The following ADAMTSL1 variants were observed in gnomAD, a reference collection of about 807,000 sequenced individuals.
ADAMTSL1 encodes the protein ADAMTS-like protein 1.
ADAMTSL1 carries 126 observed loss-of-function variants against 201.8 expected under a neutral mutation model. The observed-to-expected ratio is 0.62, with a 90% CI of 0.54 to 0.72. ADAMTSL1 has a LOEUF of 0.72. Among genes scored for constraint, ADAMTSL1 ranks in the 30% least tolerant of loss-of-function variants. ADAMTSL1 has a pLI of 0.00. For synonymous variants in ADAMTSL1, 1,121 were observed against 903.4 expected (o/e 1.24, Z -4.32); for missense variants, 2,679 against 2,277.8 (o/e 1.18, Z -3.59).
chr9:17,939,839 T>G (rs1827163395), intron 1 of ADAMTSL1, among the ~76,000 whole-genome samples: 1 of 152,114 alleles, frequency 6.6e-6, no homozygotes, highest in Non-Finnish European at 1.5e-5. Flanking sequence ...ATATCTACTA[T>G]GATGAATGTT....
intron 2 of ADAMTSL1, among the ~76,000 whole-genome samples, chr9:18,338,704 A>G (rs1411418680): frequency 1.3e-5 from 2 of 152,146 alleles, no homozygotes; most frequent in African/African-American, 2.4e-5. Context: ...AGCTTGATGT[A>G]CAGATTATTT....
chr9:18,074,571 T>TC (rs376489264), intron 1 of ADAMTSL1, among the ~76,000 whole-genome samples: 3 of 147,338 alleles, frequency 2.0e-5, no homozygotes, highest in African/African-American at 7.5e-5. Context: ...CTTTTTTTTT[T>TC]CTTCTTTCTT....
intron 2 of ADAMTSL1, among the ~76,000 whole-genome samples, chr9:18,407,080 A>G (rs1047622088): frequency 6.6e-6 from 1 of 152,212 alleles, no homozygotes; most frequent in African/African-American, 2.4e-5. Context: ...TCCCACCTCT[A>G]TGGCACTTTG....
intron 2 of ADAMTSL1, among the ~76,000 whole-genome samples, chr9:18,396,954 A>T (rs1373205102): frequency 2.0e-5 from 3 of 152,004 alleles, no homozygotes; most frequent in Non-Finnish European, 4.4e-5. Context: ...TTCTATATGC[A>T]CTATGCCTCT....
intron 2 of ADAMTSL1, among the ~76,000 whole-genome samples, chr9:18,262,070 G>A (rs1198827960): frequency 6.6e-6 from 1 of 152,172 alleles, no homozygotes; most frequent in Non-Finnish European, 1.5e-5. Flanking sequence ...TGACTAATGT[G>A]TTAGATATAT....
chr9:18,826,833 T>C (rs569331971), intron 22 of ADAMTSL1, among the ~76,000 whole-genome samples: 1 of 152,378 alleles, frequency 6.6e-6, no homozygotes, highest in Non-Finnish European at 1.5e-5. Context: ...TAAGGACTTC[T>C]TTGAGAATCA....
chr9:18,097,865 T>G (rs970263825), intron 1 of ADAMTSL1, among the ~76,000 whole-genome samples: 1 of 137,990 alleles, frequency 7.2e-6, no homozygotes, highest in Non-Finnish European at 1.6e-5. Flanking sequence ...ATGGTTATTG[T>G]TTTTTTTTTG....
At chr9:18,164,111 G>T (rs1827528346) in intron 2 of ADAMTSL1, 1 of 151,950 alleles carries the variant, frequency 6.6e-6, no homozygotes, top group African/African-American at 2.4e-5. Context: ...GTGAGAGGAG[G>T]GGGAGGCAAA....
intron 1 of ADAMTSL1, among the ~76,000 whole-genome samples, chr9:17,992,828 C>A (rs1299729098): frequency 1.3e-5 from 2 of 152,180 alleles, no homozygotes; most frequent in East Asian, 1.9e-4. Context: ...GAGAGTAAGG[C>A]AAGATTCAAA....
At chr9:17,955,058 A>G (rs1341030171) in intron 1 of ADAMTSL1, among the ~76,000 whole-genome samples, 2 of 152,198 alleles carry the variant, frequency 1.3e-5, no homozygotes, top group African/African-American at 2.4e-5. Flanking sequence ...ATGTACACAT[A>G]CACATGTATA....
chr9:18,228,334 G>T (rs980752785), intron 2 of ADAMTSL1, among the ~76,000 whole-genome samples: 2 of 152,166 alleles, frequency 1.3e-5, no homozygotes, highest in East Asian at 1.9e-4. Context: ...GAGGAGGAAA[G>T]GTGGGGCTAG....
chr9:18,576,908 C>A (rs144562540), intron 4 of ADAMTSL1, among the ~76,000 whole-genome samples: 1 of 151,806 alleles, frequency 6.6e-6, no homozygotes, highest in Non-Finnish European at 1.5e-5. Context: ...AGGCTCAGGT[C>A]GATTTTATAT....
chr9:18,303,248 T>C (rs967111997), intron 2 of ADAMTSL1, among the ~76,000 whole-genome samples: 1 of 152,214 alleles, frequency 6.6e-6, no homozygotes, highest in Non-Finnish European at 1.5e-5. Flanking sequence ...ACTGTAATAA[T>C]TTCTTTTTAA....
At chr9:18,006,967 A>G (rs183079975) in intron 1 of ADAMTSL1, among the ~76,000 whole-genome samples, 103 of 152,104 alleles carry the variant, frequency 6.8e-4, no homozygotes, top group African/African-American at 2.5e-3. Flanking sequence ...GCTCTTACGT[A>G]TTTGGATTTC....
intron 2 of ADAMTSL1, among the ~76,000 whole-genome samples, chr9:18,443,146 T>C (rs1418905113): frequency 6.6e-6 from 1 of 152,222 alleles, no homozygotes; most frequent in Non-Finnish European, 1.5e-5. Flanking sequence ...TGGCCTTTGA[T>C]GTATTTTATA....
rs562624314 is a variant in ADAMTSL1, at chr9:18,287,661, A to G, written c.207+123680A>G. Among the ~76,000 whole-genome samples, 337 of 147,654 alleles carry G rather than the reference A, an allele frequency of 2.3e-3. 1 individual carries two copies. Among genetic ancestry groups the G allele is most frequent in the African/African-American group, 7.4e-3 (300 of 40,598 alleles). The stretch of plus-strand genomic sequence containing the variant: ...TATGTATGTGTATACATATACACAT[A>G]TATGTATGTGTATACATACATAAAT... On this transcript the variant is annotated intron_variant, in intron 2 of 29. Transcript: ENST00000680146.
chr9:18,366,256 G>A (rs182116040), intron 2 of ADAMTSL1, among the ~76,000 whole-genome samples: 20 of 151,548 alleles, frequency 1.3e-4, no homozygotes, highest in Admixed American at 8.5e-4. Context: ...TTTCTTTTTT[G>A]TGTTTGTATT....
rs796491965 is a variant in ADAMTSL1, at chr9:18,352,902, C to G, written c.208-151927C>G. Among the ~76,000 whole-genome samples the G allele has an allele frequency of 9.1e-4, 139 of 152,276 alleles. 1 individual carries two copies. Among genetic ancestry groups the G allele is most frequent in the African/African-American group, 2.8e-3 (115 of 41,580 alleles). ...CCTAGAAATATTTAACTTACATAAG[C>G]AAATAACATGTATTTGGTAGTCCAT... On this transcript the variant is annotated intron_variant, in intron 2 of 29. Transcript: ENST00000680146.
chr9:18,465,894 G>C (rs1304480692), intron 2 of ADAMTSL1, among the ~76,000 whole-genome samples: 2 of 151,896 alleles, frequency 1.3e-5, no homozygotes, highest in East Asian at 1.9e-4. Context: ...GATTATAGGC[G>C]TGTGCCACCA....
Sources: gnomAD v4.1 joint callset for allele counts (sites outside exome capture counted in the v4.1 genomes callset) on GRCh38, gnomAD v4.1.1 for gene constraint, MANE v1.5 for transcripts, NCBI Gene and HGNC (gene_info 2026-07-23, HGNC 2026-07-21) for gene names.